TOM1: variants seen among roughly 807,000 people sequenced by gnomAD.
TOM1 encodes target of myb1 membrane trafficking protein, also known as target of Myb protein 1.
Under a neutral mutation model 61.3 loss-of-function variants are expected in TOM1, and 38 were observed. That is an observed-to-expected ratio of 0.62 (90% CI 0.48 to 0.81). TOM1 has a LOEUF of 0.81. Among genes scored for constraint, TOM1 ranks in the 40% least tolerant of loss-of-function variants. The pLI is 0.00. For synonymous variants in TOM1, 270 were observed against 268.8 expected (o/e 1.00, Z -0.04); for missense variants, 591 against 659.6 (o/e 0.90, Z 1.14).
At chr22:35,304,669 G>A (rs1040808405) in intron 1 of TOM1, among the ~76,000 whole-genome samples, 13 of 152,176 alleles carry the variant, frequency 8.5e-5, no homozygotes, top group Admixed American at 2.0e-4. Flanking sequence ...TAGTAGAGAC[G>A]GGGTTTCACC....
intron 12 of TOM1, among the ~76,000 whole-genome samples, chr22:35,340,042 C>T (rs983976282): frequency 6.6e-6 from 1 of 152,282 alleles, no homozygotes; most frequent in African/African-American, 2.4e-5. Flanking sequence ...GTGACCCCCA[C>T]ACGCTTTGGC....
chr22:35,339,824 A>C (rs1265010753), intron 12 of TOM1, among the ~76,000 whole-genome samples: 2 of 147,748 alleles, frequency 1.4e-5, no homozygotes, highest in East Asian at 2.0e-4. Context: ...GAATGGCGTG[A>C]ACCCAGGAGG....
chr22:35,330,975 A>G (rs994042073), intron 8 of TOM1, among the ~76,000 whole-genome samples: 13 of 152,222 alleles, frequency 8.5e-5, no homozygotes, highest in African/African-American at 3.1e-4. Context: ...AGAACAAGAA[A>G]GATGGATCCC....
intron 7 of TOM1, 48 bp downstream of exon 7, chr22:35,327,435 C>T (rs1449877592): frequency 7.7e-7 from 1 of 1,305,028 alleles, no homozygotes; most frequent in African/African-American, 1.4e-5. Context: ...TCCTGCCCAG[C>T]TGCCCACATG....
At chr22:35,329,036 G>C (rs1398032165) in intron 7 of TOM1, among the ~76,000 whole-genome samples, 1 of 152,132 alleles carries the variant, frequency 6.6e-6, no homozygotes, top group Non-Finnish European at 1.5e-5. Context: ...GCTCACCGCA[G>C]CCTCTGCCTC....
At position 35,305,331 on chromosome 22, in the gene TOM1, T is replaced by C. The variant is rs909615626; in HGVS notation, c.52+5351T>C. Among the ~76,000 whole-genome samples, 7 of 152,240 alleles carry C rather than the reference T, an allele frequency of 4.6e-5. No individual in the cohort carries two copies. The South Asian group carries it at 1.5e-3, about 32-fold the overall frequency. On this transcript the variant is annotated intron_variant, in intron 1 of 14. Transcript: ENST00000449058. Reference sequence around the variant, plus strand: ...GGTAAGGAACGACAGAGGTCATATATAGGGACAGGGAAGGGTTGATGCCAG... The same window carrying C: ...GGTAAGGAACGACAGAGGTCATATACAGGGACAGGGAAGGGTTGATGCCAG...
intron 11 of TOM1, among the ~76,000 whole-genome samples, chr22:35,334,850 A>G (rs111325167): frequency 9.3e-6 from 1 of 107,454 alleles, no homozygotes; most frequent in South Asian, 3.3e-4. Context: ...CCCTCCCTGC[A>G]CTGTGTACCG....
chr22:35,347,163 G>A lies in TOM1; in HGVS notation c.1433G>A (p.Arg478Gln), dbSNP rs772469490. 8.1e-6 allele frequency: 13 copies of A among 1,613,078 alleles called. No individual in the cohort carries two copies. Among genetic ancestry groups the A allele is most frequent in the East Asian group, 6.7e-5 (3 of 44,862 alleles). Residue 478 changes from arginine to glutamine, a missense_variant, in exon 15 of 15, where the codon CGG becomes CAG. Physicochemically the swap from Arg to Gln is conservative, Grantham distance 43 (BLOSUM62 1). Transcript: ENST00000449058. ...GGTCCCCCATCTGGCCCAGCGCCCCGGAAGAAGACCCAGGAGAAAGATGAT... is the reference window on the plus strand; with the variant it reads ...GGTCCCCCATCTGGCCCAGCGCCCCAGAAGAAGACCCAGGAGAAAGATGAT... ...PPGPPSGPAP[R>Q]KKTQEKDDDM... is the part of the protein sequence containing the mutation.
chr22:35,318,018 C>A, intron 2 of TOM1, 57 bp downstream of exon 2: 1 of 1,420,526 alleles, frequency 7.0e-7, no homozygotes, highest in Non-Finnish European at 1.0e-6. Flanking sequence ...CCACGCAGCA[C>A]ACTCCTGCAC....
rs1238815684 is a variant in TOM1 at position 35,330,379 on chromosome 22, G to C, written c.798G>C (p.Gln266His). ...ACCGCACGTGCCGAGCCATGCAGCA[G>C]CGGGTCCTGGAGCTCATCCCTCAGA... Reference protein sequence around the residue: ...ELNRTCRAMQQRVLELIPQIA... With the variant: ...ELNRTCRAMQHRVLELIPQIA... Residue 266 changes from glutamine to histidine, a missense_variant, in exon 8 of 15, where the codon CAG (glutamine) becomes CAC (histidine). Physicochemically the swap from Gln to His is conservative, Grantham distance 24. Coordinates refer to ENST00000449058, the MANE Select transcript of TOM1 (RefSeq NM_005488.3). 1.2e-6 allele frequency: 2 copies of C among 1,613,274 alleles called. No individual in the cohort carries two copies. Among genetic ancestry groups the C allele is most frequent in the Non-Finnish European group, 1.7e-6 (2 of 1,179,742 alleles).
chr22:35,343,116 CA>C (rs1569040710), intron 12 of TOM1, among the ~76,000 whole-genome samples: 1 of 140,504 alleles, frequency 7.1e-6, no homozygotes, highest in African/African-American at 2.7e-5. Context: ...CACACACACC[CA>C]CACACACCAC....
At chr22:35,333,185 C>T (rs1928988461) in intron 9 of TOM1, 171 bp downstream of exon 9, 1 of 839,096 alleles carries the variant, frequency 1.2e-6, no homozygotes, top group Non-Finnish European at 1.9e-6. Context: ...GTAAATAAGG[C>T]TGTGCCACCA....
chr22:35,337,118 A>G (rs1359112786), intron 11 of TOM1, among the ~76,000 whole-genome samples: 1 of 151,884 alleles, frequency 6.6e-6, no homozygotes, highest in Non-Finnish European at 1.5e-5. Context: ...TTGTATTTTT[A>G]GTAGAGACGG....
chr22:35,313,793 G>C (rs555308274), intron 1 of TOM1, among the ~76,000 whole-genome samples: 25 of 152,326 alleles, frequency 1.6e-4, no homozygotes, highest in African/African-American at 5.3e-4. Context: ...CCAGTGATCC[G>C]AAGCCACAGG....
At chr22:35,334,551 C>A in intron 11 of TOM1, 103 bp downstream of exon 11, 1 of 1,428,604 alleles carries the variant, frequency 7.0e-7, no homozygotes, top group Non-Finnish European at 9.7e-7. Flanking sequence ...GCACACGGAC[C>A]CTGCTTAGTA....
At chr22:35,338,329 A>T (rs910427703) in intron 11 of TOM1, among the ~76,000 whole-genome samples, 2 of 152,086 alleles carry the variant, frequency 1.3e-5, no homozygotes, top group African/African-American at 4.8e-5. Context: ...TTCAAATACG[A>T]CCTCATACAC....
At chr22:35,313,291 G>A (rs886572278) in intron 1 of TOM1, among the ~76,000 whole-genome samples, 1 of 151,796 alleles carries the variant, frequency 6.6e-6, no homozygotes, top group Non-Finnish European at 1.5e-5. Context: ...AGGTTGCAGT[G>A]AGCCAAGATC....
intron 1 of TOM1, among the ~76,000 whole-genome samples, chr22:35,305,178 T>A (rs1169769525): frequency 6.6e-6 from 1 of 152,254 alleles, no homozygotes; most frequent in Non-Finnish European, 1.5e-5. Flanking sequence ...GACACCAGGC[T>A]GGGAGGCGGG....
intron 1 of TOM1, among the ~76,000 whole-genome samples, chr22:35,308,608 A>T (rs1926553286): frequency 6.6e-6 from 1 of 151,864 alleles, no homozygotes; most frequent in Non-Finnish European, 1.5e-5. Flanking sequence ...GAGATCCCTG[A>T]CTAATACAAA....
Sources: allele counts gnomAD v4.1 joint callset (sites outside exome capture counted in the v4.1 genomes callset), GRCh38; gene constraint gnomAD v4.1.1; transcripts MANE v1.5; gene names NCBI Gene and HGNC (gene_info 2026-07-23, HGNC 2026-07-21).